The following AIG1 variants were observed in gnomAD, a reference collection of about 807,000 sequenced individuals.
AIG1 encodes the protein androgen induced 1.
A neutral mutation model predicts 31.4 loss-of-function variants in AIG1; 23 were observed. The ratio of observed to expected loss-of-function variants is 0.73; its 90% CI spans 0.53 to 1.04. The LOEUF is 1.04. Among genes scored for constraint, AIG1 ranks in the 50% least tolerant of loss-of-function variants. The pLI is 0.00. For missense variants in AIG1, 274 were observed against 295.0 expected, an observed-to-expected ratio of 0.93 and a Z score of 0.52; for synonymous variants, 100 against 110.5, an observed-to-expected ratio of 0.90 and a Z score of 0.60.
At chr6:143,105,066 C>A (rs1780680284) in intron 1 of AIG1, among the ~76,000 whole-genome samples, 1 of 152,190 alleles carries the variant, frequency 6.6e-6, no homozygotes, top group South Asian at 2.1e-4. Context: ...CAGCTCATTG[C>A]TGCATTTCTA....
chr6:143,137,019 A>C lies in AIG1; in HGVS notation c.297+29A>C, dbSNP rs201097655. The C allele has an allele frequency of 2.3e-5, 31 of 1,335,910 alleles. No homozygotes were observed. The African/African-American group carries it at 4.3e-4, about 19-fold the overall frequency. The allele number at this position is 1,335,910 out of a possible 1,614,324, so 82.8% of individuals were successfully genotyped here. On this transcript the variant is annotated intron_variant, in intron 2 of 5. Coordinates refer to ENST00000357847, the MANE Select transcript of AIG1 (RefSeq NM_016108.4). ...AGTATGATGGAGGATGCATTTAGCC[A>C]CAAAAGAAACTTGGCTCTTATTTCA...
intron 1 of AIG1, among the ~76,000 whole-genome samples, chr6:143,100,659 T>C (rs1780181505): frequency 6.6e-6 from 1 of 152,020 alleles, no homozygotes; most frequent in Non-Finnish European, 1.5e-5. Context: ...GGAGAGAAGA[T>C]AGTAATATAG....
intron 3 of AIG1, chr6:143,190,523 CCTGTT>C: frequency 2.0e-6 from 2 of 984,968 alleles, no homozygotes; most frequent in Non-Finnish European, 2.4e-6. Context: ...ATTTCATTGT[CCTGTT>C]CTTTTTAAGA....
At chr6:143,264,793 C>G (rs529164944) in intron 3 of AIG1, among the ~76,000 whole-genome samples, 1 of 152,310 alleles carries the variant, frequency 6.6e-6, no homozygotes, top group South Asian at 2.1e-4. Context: ...CTGCTCTCTG[C>G]TGAAAATAAA....
In AIG1 at chr6:143,258,221, A is replaced by G. The variant is rs903696931; in HGVS notation, c.400-25889A>G. 2.6e-5 allele frequency among the ~76,000 whole-genome samples: 4 copies of G among 152,222 alleles called. No individual in the cohort carries two copies. Among genetic ancestry groups the G allele is most frequent in the Admixed American group, 6.5e-5 (1 of 15,286 alleles). On this transcript the variant is annotated intron_variant, in intron 3 of 5. Transcript: ENST00000357847. The surrounding 1 kb of genome is among the most constrained non-coding windows in gnomAD (Gnocchi z 4.7). ...GTTTCCTCACCTGTAAAATGAAGAC[A>G]AAAGCCTTCCACCCTGTCTCATCTG...
intron 3 of AIG1, among the ~76,000 whole-genome samples, chr6:143,218,831 T>C (rs985484539): frequency 2.0e-5 from 3 of 152,202 alleles, no homozygotes; most frequent in African/African-American, 7.2e-5. Flanking sequence ...TCCATAGTTT[T>C]CTCTTTAACC....
At chr6:143,151,286 T>C (rs1785201018) in intron 2 of AIG1, among the ~76,000 whole-genome samples, 1 of 152,190 alleles carries the variant, frequency 6.6e-6, no homozygotes, top group Admixed American at 6.5e-5. Flanking sequence ...CAATTGTGTT[T>C]GTAAGTGTGC....
At position 143,277,078 on chromosome 6, in the gene AIG1, C is replaced by T. The variant is rs79283734; in HGVS notation, c.400-7032C>T. 3.0e-3 allele frequency among the ~76,000 whole-genome samples: 462 copies of T among 152,264 alleles called. 4 individuals are homozygous for T. The highest frequency in any genetic ancestry group is 0.01 in the African/African-American group (436 of 41,546). On this transcript the variant is annotated intron_variant, in intron 3 of 5. Transcript: ENST00000357847. ...GATCAGCCAGAGATTGGTGATTTTT[C>T]TCAGTTTTTCTCATGTCCCCTTTCT...
chr6:143,192,763 T>C (rs1190199580), intron 3 of AIG1, among the ~76,000 whole-genome samples: 1 of 152,134 alleles, frequency 6.6e-6, no homozygotes, highest in African/African-American at 2.4e-5. Context: ...AATATCCAAA[T>C]AACTGCACAA....
chr6:143,127,210 T>A (rs962414053), intron 1 of AIG1, among the ~76,000 whole-genome samples: 2 of 152,216 alleles, frequency 1.3e-5, no homozygotes, highest in African/African-American at 4.8e-5. Context: ...TATCCTCATA[T>A]GGGGACTCTT....
At chr6:143,118,156 C>CGCCCGGTGAGCACATCAT (rs891102288) in intron 1 of AIG1, among the ~76,000 whole-genome samples, 1 of 152,128 alleles carries the variant, frequency 6.6e-6, no homozygotes, top group Non-Finnish European at 1.5e-5. Context: ...CAGTGGCTCA[C>CGCCCGGTGAGCACATCAT]GCCCGGTGAG....
At position 143,272,747 on chromosome 6, in the gene AIG1, G is replaced by A. The variant is rs372568972; in HGVS notation, c.400-11363G>A. Among the ~76,000 whole-genome samples the A allele has an allele frequency of 4.6e-5, 7 of 152,314 alleles. No homozygotes were observed. In the South Asian group the frequency reaches 1.0e-3, roughly 23 times the overall value. Reference sequence around the variant, plus strand: ...CAATAACAGTTGCCAGTCCAGAGTGGTATAAGATTAATCTAGAAAAGTAGG... The same window carrying A: ...CAATAACAGTTGCCAGTCCAGAGTGATATAAGATTAATCTAGAAAAGTAGG... On this transcript the variant is annotated intron_variant, in intron 3 of 5. Transcript: ENST00000357847.
At chr6:143,059,476 A>G (rs955092189), upstream of AIG1, among the ~76,000 whole-genome samples, 10 of 152,148 alleles carry the variant, frequency 6.6e-5, no homozygotes, top group Non-Finnish European at 1.3e-4. Context: ...ATAACCATGT[A>G]CCAAGGATGC....
At chr6:143,259,831 G>A (rs1271673345) in intron 3 of AIG1, among the ~76,000 whole-genome samples, 1 of 152,112 alleles carries the variant, frequency 6.6e-6, no homozygotes, top group Non-Finnish European at 1.5e-5. Flanking sequence ...CAGTAGCGGG[G>A]CACAATAGCT....
chr6:143,222,066 A>G (rs964756565), intron 3 of AIG1, among the ~76,000 whole-genome samples: 7 of 152,212 alleles, frequency 4.6e-5, no homozygotes, highest in African/African-American at 1.7e-4. Context: ...TTCCTCATTT[A>G]TACATGAGAT....
rs1777769372 is a variant in AIG1, at chr6:143,339,685, T to G, written c.*9T>G. 6.2e-7 allele frequency: 1 copy of G among 1,613,176 alleles called. No individual in the cohort carries two copies. The highest frequency in any genetic ancestry group is 2.2e-5 in the East Asian group (1 of 44,790). The stretch of plus-strand genomic sequence containing the variant: ...AGCCTAAATTGGAATGAGATCCAAG[T>G]CTAAACGCAAGAGCTAGATTGAGCC... On this transcript the variant is annotated 3_prime_UTR_variant, in exon 6 of 6. Coordinates refer to ENST00000357847, the MANE Select transcript of AIG1 (RefSeq NM_016108.4).
Position 143,204,447 on chromosome 6 carries a change from C to A in AIG1, c.399+39264C>A, listed in dbSNP as rs112538835. The stretch of plus-strand genomic sequence containing the variant: ...CAGTACTCCAGGAGGTGAATTCCAC[C>A]AGCCTCTTAGGGTAGTCTGACTTTT... On this transcript the variant is annotated intron_variant, in intron 3 of 5. Transcript: ENST00000357847. Among the ~76,000 whole-genome samples, 253 of 152,214 alleles carry A rather than the reference C, an allele frequency of 1.7e-3. 1 individual carries two copies. The highest frequency in any genetic ancestry group is 5.8e-3 in the African/African-American group (239 of 41,536).
At chr6:143,190,432 A>G (rs1374083338) in intron 3 of AIG1, 6 of 985,290 alleles carry the variant, frequency 6.1e-6, no homozygotes, top group Admixed American at 6.1e-5. Context: ...TGGTGTAAAC[A>G]TTTTAGAGAT....
At chr6:143,243,751 G>A (rs1562520471) in intron 3 of AIG1, among the ~76,000 whole-genome samples, 1 of 152,218 alleles carries the variant, frequency 6.6e-6, no homozygotes, top group Non-Finnish European at 1.5e-5. Flanking sequence ...TGGTTCAGAA[G>A]TATTGCCCTG....
Sources: allele counts gnomAD v4.1 joint callset (sites outside exome capture counted in the v4.1 genomes callset), GRCh38; gene constraint gnomAD v4.1.1; non-coding constraint Gnocchi (gnomAD v3.1); transcripts MANE v1.5; gene names NCBI Gene and HGNC (gene_info 2026-07-23, HGNC 2026-07-21).